The following ZER1 variants were observed in gnomAD, a reference collection of about 807,000 sequenced individuals.
The protein encoded by ZER1 is protein zer-1 homolog.
In ZER1, 11 loss-of-function variants were observed where a neutral mutation model predicts 78.8. The ratio of observed to expected loss-of-function variants is 0.14; its 90% confidence interval spans 0.09 to 0.23. The LOEUF is 0.23. Ranked by LOEUF, ZER1 falls within the 10% of genes least tolerant of loss-of-function variation. ZER1 has a pLI of 1.00. For missense variants in ZER1, 588 were observed against 996.9 expected, an observed-to-expected ratio of 0.59 and a Z score of 5.52; for synonymous variants, 400 against 407.0, an observed-to-expected ratio of 0.98 and a Z score of 0.21.
rs927160441 is a variant in ZER1, at chr9:128,735,344, C to G, written c.2130G>C (p.Val710=). Residue 710 remains valine (V), a synonymous_variant, in exon 14 of 16, where the codon GTG becomes GTC. Coordinates refer to ENST00000291900, the MANE Select transcript of ZER1 (RefSeq NM_006336.4). ...HWATWALYNL[V]SVYPDKYCPL... ...CAAGTTGGCACTCACGGTAGACAGA[C>G]ACGAGGTTATACAGGGCCCAGGTTG... The G allele has an allele frequency of 1.2e-6, 2 of 1,613,450 alleles. No individual in the cohort carries two copies. Among genetic ancestry groups the G allele is most frequent in the Non-Finnish European group, 1.7e-6 (2 of 1,179,770 alleles).
intron 1 of ZER1, among the ~76,000 whole-genome samples, chr9:128,770,448 T>G (rs911349693): frequency 6.6e-6 from 1 of 152,148 alleles, no homozygotes; most frequent in Non-Finnish European, 1.5e-5. Flanking sequence ...ACCAGGCATA[T>G]GACCACAGGA....
chr9:128,746,212 G>A (rs1450812407), intron 8 of ZER1: 1 of 152,158 alleles, frequency 6.6e-6, no homozygotes, highest in African/African-American at 2.4e-5. Flanking sequence ...AGAATGGCTA[G>A]GTCAAAAGAT....
intron 1 of ZER1, among the ~76,000 whole-genome samples, chr9:128,768,602 C>T (rs188273171): frequency 2.0e-5 from 3 of 152,322 alleles, no homozygotes; most frequent in Non-Finnish European, 4.4e-5. Flanking sequence ...CCCCAACATG[C>T]TGGCTCTCAG....
chr9:128,764,710 A>G (rs1054673217), intron 1 of ZER1, among the ~76,000 whole-genome samples: 1 of 152,156 alleles, frequency 6.6e-6, no homozygotes. Context: ...AGAGGCAGCC[A>G]TCTCTACCTA....
intron 8 of ZER1, among the ~76,000 whole-genome samples, chr9:128,744,098 C>T (rs941079505): frequency 6.6e-6 from 1 of 151,986 alleles, no homozygotes; most frequent in Admixed American, 6.6e-5. Flanking sequence ...GGGGTTTCAC[C>T]GTCTTGGCCA....
intron 8 of ZER1, among the ~76,000 whole-genome samples, chr9:128,745,334 A>T (rs1863452779): frequency 6.6e-6 from 1 of 151,068 alleles, no homozygotes; most frequent in Non-Finnish European, 1.5e-5. Context: ...CTACAGGCGC[A>T]CATCACCACA....
intron 13 of ZER1, among the ~76,000 whole-genome samples, chr9:128,739,107 C>T (rs936874965): frequency 3.3e-5 from 5 of 151,942 alleles, no homozygotes; most frequent in African/African-American, 1.2e-4. Context: ...GCCTCAGCCT[C>T]CTAAAGTGCT....
chr9:128,769,441 G>A (rs1305777200), intron 1 of ZER1, among the ~76,000 whole-genome samples: 2 of 145,412 alleles, frequency 1.4e-5, no homozygotes, highest in African/African-American at 2.6e-5. Flanking sequence ...ATGGAGTTTC[G>A]CTCCTGTCGC....
intron 1 of ZER1, among the ~76,000 whole-genome samples, chr9:128,761,372 T>C (rs2132474971): frequency 6.7e-6 from 1 of 150,310 alleles, no homozygotes; most frequent in East Asian, 2.0e-4. Flanking sequence ...CTGCAACCTC[T>C]GCTTTCCAGG....
At chr9:128,739,097 G>A (rs79901106) in intron 13 of ZER1, among the ~76,000 whole-genome samples, 4 of 151,726 alleles carry the variant, frequency 2.6e-5, no homozygotes, top group Admixed American at 6.6e-5. Context: ...TGATCTGCCC[G>A]CCTCAGCCTC....
At chr9:128,764,736 T>A (rs1021769588) in intron 1 of ZER1, among the ~76,000 whole-genome samples, 2 of 152,094 alleles carry the variant, frequency 1.3e-5, no homozygotes, top group African/African-American at 4.8e-5. Context: ...CTCTACCTAC[T>A]CCATTCCTTA....
At chr9:128,762,994 C>A (rs1864095952) in intron 1 of ZER1, among the ~76,000 whole-genome samples, 1 of 152,226 alleles carries the variant, frequency 6.6e-6, no homozygotes, top group Non-Finnish European at 1.5e-5. Context: ...TTGGTCCCCA[C>A]TGCCCCCCTA....
At chr9:128,741,711 C>T in intron 10 of ZER1, 57 bp from the exon 11 acceptor site, 2 of 1,613,906 alleles carry the variant, frequency 1.2e-6, no homozygotes, top group Non-Finnish European at 1.7e-6. Context: ...AGGGGGGCCC[C>T]TGACAAAACA....
chr9:128,741,718 AAC>A (rs1318687340), intron 10 of ZER1, 64 bp from the exon 11 acceptor site: 2 of 1,613,800 alleles, frequency 1.2e-6, no homozygotes, highest in Admixed American at 3.3e-5. Context: ...CCCCTGACAA[AAC>A]ACAGACCTCC....
At chr9:128,764,830 C>G (rs1327149908) in intron 1 of ZER1, among the ~76,000 whole-genome samples, 1 of 152,186 alleles carries the variant, frequency 6.6e-6, no homozygotes, top group Non-Finnish European at 1.5e-5. Context: ...TGACCGACCA[C>G]CACACTGGGA....
intron 14 of ZER1, among the ~76,000 whole-genome samples, chr9:128,734,144 A>ATATATATATAT (rs1554784814): frequency 4.8e-4 from 7 of 14,438 alleles, no homozygotes; most frequent in East Asian, 3.9e-3. Flanking sequence ...AAAAAAAAAA[A>ATATATATATAT]ATATATATAT....
intron 1 of ZER1, among the ~76,000 whole-genome samples, chr9:128,769,863 T>A (rs1864329888): frequency 6.6e-6 from 1 of 152,182 alleles, no homozygotes; most frequent in Admixed American, 6.5e-5. Context: ...ATTACAAAGA[T>A]GGAAGAAGGG....
intron 8 of ZER1, among the ~76,000 whole-genome samples, chr9:128,744,006 T>C (rs985085225): frequency 3.3e-5 from 5 of 151,468 alleles, no homozygotes; most frequent in African/African-American, 1.2e-4. Context: ...TCAAGCAATT[T>C]TCTACCTCAG....
chr9:128,741,756 G>A (rs771161046), intron 10 of ZER1, 44 bp downstream of exon 10: 16 of 1,614,028 alleles, frequency 9.9e-6, no homozygotes, highest in African/African-American at 6.7e-5. Flanking sequence ...GGCCCCTTGC[G>A]AGGTGGGGAA....
Sources: gnomAD v4.1 joint callset for allele counts (sites outside exome capture counted in the v4.1 genomes callset) on GRCh38, gnomAD v4.1.1 for gene constraint, MANE v1.5 for transcripts, NCBI Gene and HGNC (gene_info 2026-07-23, HGNC 2026-07-21) for gene names.